RNF19B: variants seen among roughly 807,000 people sequenced by gnomAD.
RNF19B encodes E3 ubiquitin-protein ligase RNF19B.
In RNF19B, 23 loss-of-function variants were observed where a neutral mutation model predicts 65.5. The observed-to-expected ratio is 0.35, with a 90% CI of 0.25 to 0.50. The LOEUF (loss-of-function observed/expected upper bound fraction) is 0.50, where lower values mean the gene tolerates loss of function less well. RNF19B is among the 20% of genes least tolerant of loss of function. The probability of loss-of-function intolerance (pLI) is 0.98; values close to 1 mark genes in which losing one functional copy is unlikely to be tolerated. For missense variants in RNF19B, 794 were observed against 980.0 expected (o/e 0.81, Z 2.53); for synonymous variants, 372 against 379.6 (o/e 0.98, Z 0.23).
chr1:32,933,066 T>C (rs1642046022), downstream of RNF19B, among the ~76,000 whole-genome samples: 1 of 152,336 alleles, frequency 6.6e-6, no homozygotes, highest in Admixed American at 6.5e-5. Context: ...CTTCACAGAT[T>C]ACTTATCCTC....
intron 6 of RNF19B, 125 bp from the exon 7 acceptor site, chr1:32,942,584 C>T (rs918397204): frequency 2.9e-6 from 2 of 678,686 alleles, no homozygotes; most frequent in Non-Finnish European, 4.9e-6. Context: ...TGTGTGCAGT[C>T]GCCACATATC....
intron 1 of RNF19B, among the ~76,000 whole-genome samples, chr1:32,963,094 G>C (rs1468195282): frequency 1.3e-5 from 2 of 152,080 alleles, no homozygotes; most frequent in Non-Finnish European, 2.9e-5. Flanking sequence ...ACCAACCTCT[G>C]GGCATTCTTC....
At position 32,942,181 on chromosome 1, in the gene RNF19B, C is replaced by A. The variant is rs1384726800; in HGVS notation, c.1610+71G>T. 3.2e-6 allele frequency: 4 copies of A among 1,249,878 alleles called. No homozygotes were observed. In the African/African-American group the frequency reaches 5.9e-5, roughly 19 times the overall value. 77.4% of individuals were successfully genotyped at this position (1,249,878 alleles called of 1,614,324 possible). On this transcript the variant is annotated intron_variant, in intron 7 of 8. Transcript: ENST00000235150. ...GATGATACGTGGCACAAGCCTGGCA[C>A]AGAGAAATGGCTCAATGTGTTACTT...
intron 1 of RNF19B, among the ~76,000 whole-genome samples, chr1:32,960,290 C>T (rs1244624443): frequency 2.0e-5 from 3 of 152,134 alleles, no homozygotes; most frequent in Non-Finnish European, 4.4e-5. Flanking sequence ...CCCCCTCACC[C>T]TACCAAATGC....
At position 32,964,669 on chromosome 1, in the gene RNF19B, T is replaced by TCCTTCTCGGAGC. The variant is rs1642865922; in HGVS notation, c.5_16dup (p.Gly2_Lys5dup). ...CGATGTGGAGCGCGGCGACTCGGAG[T>TCCTTCTCGGAGC]CCTTCTCGGAGCCCATGGCCGGCAG... On this transcript the variant is annotated inframe_insertion, in exon 1 of 9. Coordinates refer to ENST00000235150, the MANE Select transcript of RNF19B (RefSeq NM_001300826.2). The surrounding 1 kb of genome is among the most constrained non-coding windows in gnomAD (Gnocchi z 6.5). The TCCTTCTCGGAGC allele has an allele frequency of 6.1e-6, 9 of 1,469,168 alleles. No individual in the cohort carries two copies. Among genetic ancestry groups the TCCTTCTCGGAGC allele is most frequent in the African/African-American group, 4.4e-5 (3 of 67,416 alleles). 91.0% of individuals were successfully genotyped at this position (1,469,168 alleles called of 1,614,324 possible).
chr1:32,935,300 G>A (rs967514466), downstream of RNF19B, among the ~76,000 whole-genome samples: 9 of 151,700 alleles, frequency 5.9e-5, no homozygotes, highest in Non-Finnish European at 5.9e-5. Flanking sequence ...ACCAGGCCTG[G>A]CTAACTTCTG....
At position 32,960,501 on chromosome 1, in the gene RNF19B, T is replaced by A. The variant is rs75649587; in HGVS notation, c.635+3550A>T. ...AATAAAACAAAGGAGCAGTGTGCAGTGGTTCGTGCCTATAATCCCAGTTAC... is the reference window on the plus strand; with the variant it reads ...AATAAAACAAAGGAGCAGTGTGCAGAGGTTCGTGCCTATAATCCCAGTTAC... On this transcript the variant is annotated intron_variant, in intron 1 of 8. Coordinates refer to ENST00000235150, the MANE Select transcript of RNF19B (RefSeq NM_001300826.2). Among the ~76,000 whole-genome samples the A allele has an allele frequency of 1.3e-3, 196 of 152,256 alleles. 4 individuals carry two copies. In the East Asian group the frequency reaches 0.033, roughly 25 times the overall value.
In RNF19B at chr1:32,946,618, T is replaced by G. The variant is rs1282230268; in HGVS notation, c.984-54A>C. 3.3e-6 allele frequency: 5 copies of G among 1,518,898 alleles called. No individual in the cohort carries two copies. The Admixed American group carries it at 9.2e-5, about 28-fold the overall frequency. 94.1% of individuals were successfully genotyped at this position (1,518,898 alleles called of 1,614,324 possible). Reference sequence around the variant, plus strand: ...TCAACATTACAAATACAGCTAGTATTATCATAGGGCTTGATAACAGCAACA... The same window carrying G: ...TCAACATTACAAATACAGCTAGTATGATCATAGGGCTTGATAACAGCAACA... On this transcript the variant is annotated intron_variant, in intron 3 of 8. Coordinates refer to ENST00000235150, the MANE Select transcript of RNF19B (RefSeq NM_001300826.2).
At chr1:32,957,049 G>T (rs1196939449) in intron 1 of RNF19B, among the ~76,000 whole-genome samples, 1 of 152,062 alleles carries the variant, frequency 6.6e-6, no homozygotes, top group Admixed American at 6.6e-5. Context: ...ATTCTGGAAG[G>T]TTACTCTTTT....
rs1325088418 is a variant in RNF19B at position 32,964,332 on chromosome 1, C to T, written c.354G>A (p.Glu118=). 1 of 1,455,912 alleles carries T rather than the reference C, an allele frequency of 6.9e-7. No homozygotes were observed. The highest frequency in any genetic ancestry group is 9.0e-7 in the Non-Finnish European group (1 of 1,108,908). The allele number at this position is 1,455,912 out of a possible 1,614,324, so 90.2% of individuals were successfully genotyped here. The change falls in exon 1 of 9, where the codon GAG becomes GAA. Residue 118 remains glutamate (E), a synonymous_variant. Coordinates refer to ENST00000235150, the MANE Select transcript of RNF19B (RefSeq NM_001300826.2). The surrounding 1 kb of genome is among the most constrained non-coding windows in gnomAD (Gnocchi z 6.5). ...EGGGPGAEEV[E]CPLCLVRLPP... ...GCAGCCGCACCAGGCACAGCGGACA[C>T]TCCACCTCCTCCGCGCCCGGGCCAC... is the stretch of plus-strand genomic sequence containing the variant.
intron 1 of RNF19B, among the ~76,000 whole-genome samples, chr1:32,956,236 G>T (rs772451719): frequency 1.3e-5 from 2 of 152,102 alleles, no homozygotes; most frequent in African/African-American, 2.4e-5. Flanking sequence ...GCATGGTGGC[G>T]TGCACTTGTA....
intron 1 of RNF19B, among the ~76,000 whole-genome samples, chr1:32,957,608 T>C (rs759716186): frequency 2.8e-4 from 43 of 151,992 alleles, no homozygotes; most frequent in Admixed American, 4.6e-4. Context: ...GTGAGGCGGG[T>C]GGCTCGCTTG....
the RNF19B span, among the ~76,000 whole-genome samples, chr1:32,930,949 G>A: frequency 6.6e-6 from 1 of 152,160 alleles, no homozygotes; most frequent in Non-Finnish European, 1.5e-5. Flanking sequence ...GTAGCCAGGT[G>A]TGCTGGCATG....
the RNF19B span, among the ~76,000 whole-genome samples, chr1:32,929,338 A>G: frequency 6.6e-6 from 1 of 152,334 alleles, no homozygotes; most frequent in South Asian, 2.1e-4. Context: ...CATCTTAATT[A>G]TATCTGCAAC....
chr1:32,952,374 G>A (rs561895068), intron 1 of RNF19B, among the ~76,000 whole-genome samples: 46 of 143,372 alleles, frequency 3.2e-4, no homozygotes. Context: ...CAGGAAGATC[G>A]CTTGAGGCCA....
At chr1:32,934,823 C>T (rs1642070416), downstream of RNF19B, among the ~76,000 whole-genome samples, 1 of 152,098 alleles carries the variant, frequency 6.6e-6, no homozygotes, top group African/African-American at 2.4e-5. Flanking sequence ...TATAAGCTTT[C>T]ACTTCTAAGG....
chr1:32,934,216 C>T (rs1372335059), downstream of RNF19B, among the ~76,000 whole-genome samples: 3 of 152,236 alleles, frequency 2.0e-5, no homozygotes, highest in Non-Finnish European at 4.4e-5. Flanking sequence ...TCTAAGCTGG[C>T]TGTTGTCCAG....
chr1:32,960,908 G>C (rs1642754678), intron 1 of RNF19B, among the ~76,000 whole-genome samples: 2 of 152,046 alleles, frequency 1.3e-5, no homozygotes, highest in Admixed American at 6.6e-5. Context: ...AGCTACTTGA[G>C]ATGCTGAGGC....
At chr1:32,956,094 G>A (rs986463209) in intron 1 of RNF19B, among the ~76,000 whole-genome samples, 3 of 152,104 alleles carry the variant, frequency 2.0e-5, no homozygotes, top group Admixed American at 1.3e-4. Context: ...GGCCGGGCAT[G>A]GTGGCTCATG....
Sources: gnomAD v4.1 joint callset for allele counts (sites outside exome capture counted in the v4.1 genomes callset) on GRCh38, gnomAD v4.1.1 for gene constraint, Gnocchi (gnomAD v3.1) non-coding constraint, MANE v1.5 for transcripts, NCBI Gene and HGNC (gene_info 2026-07-23, HGNC 2026-07-21) for gene names.